DNAH5: variants seen among roughly 807,000 people sequenced by gnomAD.
The protein encoded by DNAH5 is dynein axonemal heavy chain 5.
Under a neutral mutation model 518.2 loss-of-function variants are expected in DNAH5, and 372 were observed. The ratio of observed to expected loss-of-function variants is 0.72; its 90% CI spans 0.66 to 0.78. The LOEUF is 0.78. Ranked by LOEUF, DNAH5 falls within the 30% of genes least tolerant of loss-of-function variation. The pLI, the probability that DNAH5 is intolerant of heterozygous loss-of-function variation, is 0.00. For synonymous variants in DNAH5, 2,039 were observed against 2,025.9 expected (o/e 1.01, Z -0.17); for missense variants, 5,523 against 5,687.0 (o/e 0.97, Z 0.93).
chr5:13,893,608 A>G (rs912378444), intron 16 of DNAH5, among the ~76,000 whole-genome samples: 1 of 152,170 alleles, frequency 6.6e-6, no homozygotes, highest in Non-Finnish European at 1.5e-5. Flanking sequence ...TAAATTATCA[A>G]TTTACAATAA....
chr5:13,840,127 C>CG (rs398083934), intron 34 of DNAH5, among the ~76,000 whole-genome samples: 1 of 151,870 alleles, frequency 6.6e-6, no homozygotes, highest in Non-Finnish European at 1.5e-5. Flanking sequence ...TAGCCTGAGC[C>CG]CTTTATTCCT....
intron 47 of DNAH5, among the ~76,000 whole-genome samples, chr5:13,801,613 C>T (rs1156988409): frequency 6.6e-6 from 1 of 152,184 alleles, no homozygotes; most frequent in East Asian, 1.9e-4. Flanking sequence ...GCGACTGTCT[C>T]CTCTCAGGTC....
chr5:13,824,064 A>G (rs1580432195), intron 39 of DNAH5, 135 bp downstream of exon 39: 1 of 919,612 alleles, frequency 1.1e-6, no homozygotes, highest in East Asian at 2.5e-5. Flanking sequence ...ATTTAAAGTG[A>G]TGCTCTCCAG....
intron 65 of DNAH5, among the ~76,000 whole-genome samples, chr5:13,738,418 C>G (rs1228227124): frequency 1.3e-5 from 2 of 152,184 alleles, no homozygotes; most frequent in Admixed American, 6.5e-5. Context: ...TGAAAAACTA[C>G]TCTCCGAAAT....
chr5:13,890,169 G>A (rs991503969), intron 17 of DNAH5, among the ~76,000 whole-genome samples: 4 of 152,212 alleles, frequency 2.6e-5, no homozygotes, highest in Admixed American at 2.6e-4. Context: ...TACTTTGGGA[G>A]GCCGAGGCAG....
chr5:13,945,065 A>G (rs1195047663), upstream of DNAH5, among the ~76,000 whole-genome samples: 1 of 152,256 alleles, frequency 6.6e-6, no homozygotes, highest in Non-Finnish European at 1.5e-5. Flanking sequence ...CTCCACCACA[A>G]AGAACAAGAA....
chr5:13,811,886 G>A, intron 43 of DNAH5, 63 bp from the exon 44 acceptor site: 1 of 1,515,344 alleles, frequency 6.6e-7, no homozygotes, highest in Non-Finnish European at 9.1e-7. Flanking sequence ...ATGGTCATTT[G>A]GGGACAAAAA....
In DNAH5 at chr5:13,818,369, C is replaced by T. The variant is rs374627403; in HGVS notation, c.6842-675G>A. On this transcript the variant is annotated intron_variant, in intron 41 of 78. Transcript: ENST00000265104. ...ATCCCAGCACTTTGGGGGGCCAAGG[C>T]GGGCAGATCATGAGGTCAGGAGTTC... Among the ~76,000 whole-genome samples the T allele has an allele frequency of 2.0e-4, 30 of 152,242 alleles. No individual in the cohort carries two copies. The South Asian group carries it at 2.1e-3, about 11-fold the overall frequency.
At chr5:13,955,201 T>C (rs542553882) in intron 1 of DNAH5, among the ~76,000 whole-genome samples, 1 of 152,162 alleles carries the variant, frequency 6.6e-6, no homozygotes, top group Admixed American at 6.6e-5. Flanking sequence ...TGTGTGGCAC[T>C]TCCCCCCTCA....
rs1170163108 is a variant in DNAH5 at position 13,751,153 on chromosome 5, G to A, written c.11136C>T (p.Ser3712=). The A allele has an allele frequency of 5.0e-6, 8 of 1,613,874 alleles. No homozygotes were observed. Among genetic ancestry groups the A allele is most frequent in the Non-Finnish European group, 5.9e-6 (7 of 1,179,934 alleles). The change falls in exon 65 of 79, where the codon TCC becomes TCT. Residue 3712 remains serine (S), a synonymous_variant. Transcript: ENST00000265104. ...AYTPEISART[S]IIDFTVTMKG... is the part of the protein sequence containing the mutation. The stretch of plus-strand genomic sequence containing the variant: ...TCATGGTGACAGTGAAGTCAATGAT[G>A]GAGGTACGGGCACTTATCTCAGGGG...
chr5:13,792,718 C>T (rs1170945954), intron 49 of DNAH5, among the ~76,000 whole-genome samples: 1 of 152,102 alleles, frequency 6.6e-6, no homozygotes, highest in Non-Finnish European at 1.5e-5. Context: ...ATTCCAATGT[C>T]TGTTGGTTTC....
At chr5:13,904,499 T>A (rs1488886037) in intron 12 of DNAH5, among the ~76,000 whole-genome samples, 1 of 149,734 alleles carries the variant, frequency 6.7e-6, no homozygotes, top group Admixed American at 6.7e-5. Flanking sequence ...ATTATAGATA[T>A]ATTGATTTTA....
chr5:13,770,834 TC>T lies in DNAH5; in HGVS notation c.9519del (p.Thr3174ArgfsTer30). 1 of 1,614,050 alleles carries T rather than the reference TC, an allele frequency of 6.2e-7. No homozygotes were observed. Among genetic ancestry groups the T allele is most frequent in the Non-Finnish European group, 8.5e-7 (1 of 1,179,974 alleles). On this transcript the variant is annotated frameshift_variant, in exon 56 of 79. Transcript: ENST00000265104. LOFTEE classifies it high-confidence loss of function. The stretch of plus-strand genomic sequence containing the variant: ...ATAAAGGAGAGGTATGATTTGGGCG[TC>T]ACGTGGGTAGAACGTCGGAATCTCT... ...YFQRFRRSTH[V>X]TPKSYLSFIQ...
At chr5:13,721,471 G>T (rs1027933302) in intron 70 of DNAH5, among the ~76,000 whole-genome samples, 2 of 152,118 alleles carry the variant, frequency 1.3e-5, no homozygotes, top group Admixed American at 1.3e-4. Flanking sequence ...AGTGTCAAAA[G>T]AACCAAAGTT....
Position 13,768,962 on chromosome 5 carries a change from G to C in DNAH5, c.9895C>G (p.Gln3299Glu), listed in dbSNP as rs889487498. The C allele has an allele frequency of 2.5e-6, 4 of 1,614,100 alleles. No individual in the cohort carries two copies. Among genetic ancestry groups the C allele is most frequent in the Non-Finnish European group, 3.4e-6 (4 of 1,179,968 alleles). ...TCTGTTATATCACATAGATGCACCT[G>C]CAATGCAGCTTCTGCCTCTTCTAAA... ...PALEEAEAALQTIRPSDIATV... is the reference protein window; with the variant it reads ...PALEEAEAALETIRPSDIATV... The change falls in exon 58 of 79, where the codon CAG becomes GAG. Residue 3299 changes from glutamine (Q) to glutamate (E), a missense_variant and splice_region_variant. Physicochemically the swap from Gln to Glu is conservative, Grantham distance 29. This residue lies in a region of DNAH5 where 5,121 missense variants were observed against 5,223.3 expected (regional missense o/e 0.98). Transcript: ENST00000265104.
At chr5:13,782,135 G>A (rs996437566) in intron 52 of DNAH5, among the ~76,000 whole-genome samples, 2 of 152,056 alleles carry the variant, frequency 1.3e-5, no homozygotes, top group Non-Finnish European at 2.9e-5. Flanking sequence ...TGAGCCTAGG[G>A]GTATCACTGC....
intron 58 of DNAH5, 64 bp from the exon 59 acceptor site, chr5:13,766,243 A>T: frequency 1.3e-6 from 2 of 1,539,000 alleles, no homozygotes; most frequent in Non-Finnish European, 1.8e-6. Context: ...CAAACCTTGC[A>T]TGTCCAAATG....
intron 68 of DNAH5, among the ~76,000 whole-genome samples, chr5:13,732,383 G>A (rs1746718936): frequency 6.6e-6 from 1 of 151,804 alleles, no homozygotes; most frequent in African/African-American, 2.4e-5. Context: ...CCCTTTTTTT[G>A]TGAGAGGGAG....
chr5:13,765,192 A>T (rs1169187482), intron 59 of DNAH5, among the ~76,000 whole-genome samples: 1 of 152,200 alleles, frequency 6.6e-6, no homozygotes, highest in Non-Finnish European at 1.5e-5. Flanking sequence ...CAAGACTTCA[A>T]ATTAGAGCTT....
Sources: allele counts gnomAD v4.1 joint callset (sites outside exome capture counted in the v4.1 genomes callset), GRCh38; gene constraint gnomAD v4.1.1; regional missense constraint gnomAD v4.1.1; transcripts MANE v1.5; gene names NCBI Gene and HGNC (gene_info 2026-07-23, HGNC 2026-07-21).